The following ZNF219 variants were observed in gnomAD, a reference collection of about 807,000 sequenced individuals.
ZNF219 encodes zinc finger protein 219.
Under a neutral mutation model 54.4 loss-of-function variants are expected in ZNF219, and 17 were observed. The ratio of observed to expected loss-of-function variants is 0.31; its 90% confidence interval spans 0.21 to 0.47. The LOEUF (loss-of-function observed/expected upper bound fraction) is 0.47, where lower values mean the gene tolerates loss of function less well. Among genes scored for constraint, ZNF219 ranks in the 20% least tolerant of loss-of-function variants. The probability of loss-of-function intolerance (pLI) is 1.00; values close to 1 mark genes in which losing one functional copy is unlikely to be tolerated. For missense variants in ZNF219, 1,014 were observed against 1,062.3 expected, an observed-to-expected ratio of 0.95 and a Z score of 0.63; for synonymous variants, 518 against 476.4, an observed-to-expected ratio of 1.09 and a Z score of -1.14.
upstream of ZNF219, chr14:21,103,967 G>T (rs1317320352): frequency 6.6e-6 from 1 of 152,404 alleles, no homozygotes; most frequent in Admixed American, 6.5e-5. Flanking sequence ...GGGCTTCCCA[G>T]ATGCTGTCGC....
At chr14:21,097,742 C>T (rs1889354407) in intron 1 of ZNF219, among the ~76,000 whole-genome samples, 1 of 152,160 alleles carries the variant, frequency 6.6e-6, no homozygotes, top group African/African-American at 2.4e-5. Flanking sequence ...GAGTTACAGC[C>T]GCCTCCGCTG....
rs998186427 is a variant in ZNF219, at chr14:21,093,786, C to G, written c.-83-112G>C. 5.0e-6 allele frequency: 5 copies of G among 1,006,648 alleles called. No homozygotes were observed. In the African/African-American group the frequency reaches 8.0e-5, roughly 16 times the overall value. 62.4% of individuals were successfully genotyped at this position (1,006,648 alleles called of 1,614,324 possible). On this transcript the variant is annotated intron_variant, in intron 1 of 4. Coordinates refer to ENST00000360947, the MANE Select transcript of ZNF219 (RefSeq NM_016423.3). ...TGTATTCCCAAAACCAATCCATTCTCCCTACTTGCTTCTTGAGGCACGAAG... is the reference window on the plus strand; with the variant it reads ...TGTATTCCCAAAACCAATCCATTCTGCCTACTTGCTTCTTGAGGCACGAAG...
At position 21,090,692 on chromosome 14, in the gene ZNF219, G is replaced by C. The variant is rs746595858; in HGVS notation, c.2013C>G (p.Arg671=). The C allele has an allele frequency of 6.2e-7, 1 of 1,611,352 alleles. No homozygotes were observed. Among genetic ancestry groups the C allele is most frequent in the Non-Finnish European group, 8.5e-7 (1 of 1,179,476 alleles). The part of the protein sequence containing the change: ...MALHLQVHHS[R]RARGRRPPQA... ...GGGGTGGCCGGCGGCCCCTAGCCCGGCGGCTGTGGTGCACTTGAAGGTGCA... is the reference window on the plus strand; with the variant it reads ...GGGGTGGCCGGCGGCCCCTAGCCCGCCGGCTGTGGTGCACTTGAAGGTGCA... The change falls in exon 5 of 5, where the codon CGC becomes CGG. Residue 671 remains arginine (R), a synonymous_variant. Transcript: ENST00000360947. This position sits in a 1 kb window ranked among gnomAD's most constrained non-coding sequence, Gnocchi z 4.4.
intron 1 of ZNF219, chr14:21,094,242 T>G (rs1298244645): frequency 2.5e-6 from 1 of 397,588 alleles, no homozygotes; most frequent in East Asian, 7.1e-5. Flanking sequence ...GAGAAACACC[T>G]CCCAGCAGCA....
At position 21,091,526 on chromosome 14, in the gene ZNF219, C is replaced by A; in HGVS notation, c.1449G>T (p.Leu483Phe). The change falls in exon 4 of 5, where the codon TTG becomes TTT. Residue 483 changes from leucine to phenylalanine, a missense_variant. Physicochemically the swap from Leu to Phe is conservative, Grantham distance 22. Coordinates refer to ENST00000360947, the MANE Select transcript of ZNF219 (RefSeq NM_016423.3). ...CCCCTTCAGGCCGGGTCCCTCCAAC[C>A]AACAGCCCATTCTCTTCTGCAACAC... ...STATQEENGL[L>F]VGGTRPEGGR... 6.2e-7 allele frequency: 1 copy of A among 1,604,822 alleles called. No individual in the cohort carries two copies. The highest frequency in any genetic ancestry group is 1.1e-5 in the South Asian group (1 of 90,874).
chr14:21,104,430 C>T (rs1020694983), intron 1 of ZNF219: 1 of 152,274 alleles, frequency 6.6e-6, no homozygotes, highest in African/African-American at 2.4e-5. Context: ...ACTGGGAGTC[C>T]CACTAGCAGC....
rs1250786571 is a variant in ZNF219 at position 21,091,560 on chromosome 14, A to G, written c.1433-18T>C. 6.3e-7 allele frequency: 1 copy of G among 1,586,120 alleles called. No individual in the cohort carries two copies. The highest frequency in any genetic ancestry group is 2.3e-5 in the East Asian group (1 of 43,920). ...ATTCTCTTCTGCAACACATACGTTA[A>G]GAGGAAGTCAGGGGGGCCCACACCC... On this transcript the variant is annotated intron_variant, in intron 3 of 4. Coordinates refer to ENST00000360947, the MANE Select transcript of ZNF219 (RefSeq NM_016423.3).
At chr14:21,097,871 C>T (rs573505502) in intron 1 of ZNF219, among the ~76,000 whole-genome samples, 42 of 151,872 alleles carry the variant, frequency 2.8e-4, no homozygotes, top group Middle Eastern at 3.4e-3. Context: ...CCTTCCCCCT[C>T]CCCCACCAGC....
Position 21,091,112 on chromosome 14 carries a change from G to T in ZNF219, c.1593C>A (p.Cys531Ter). Residue 531 changes from cysteine (C) to a stop codon, truncating the protein, a stop_gained, in exon 5 of 5, where the codon TGC (cysteine) becomes TGA (stop). Transcript: ENST00000360947. LOFTEE classifies it high-confidence loss of function. ...AGCCGGACTGGGTGCCCGCGTAGTC[G>T]CAGTGCGGACACTTGTAGGGCCGCT... Reference protein sequence around the residue: ...TGERPYKCPHCDYAGTQSGSL... With the variant: ...TGERPYKCPH 1 of 1,589,174 alleles carries T rather than the reference G, an allele frequency of 6.3e-7. No homozygotes were observed. The highest frequency in any genetic ancestry group is 8.5e-7 in the Non-Finnish European group (1 of 1,171,646).
chr14:21,090,794 G>T lies in ZNF219; in HGVS notation c.1911C>A (p.Gly637=). ...GGAGGGCACCCCCAGGCCCGGCCTC[G>T]CCTCCCGGCCCTGCCCGCAAGGACA... ...LDLSLRAGPG[G]EAGPGGALHR... is the part of the protein sequence containing the mutation. The change falls in exon 5 of 5, where the codon GGC becomes GGA. Residue 637 remains glycine (G), a synonymous_variant. Coordinates refer to ENST00000360947, the MANE Select transcript of ZNF219 (RefSeq NM_016423.3). This position sits in a 1 kb window ranked among gnomAD's most constrained non-coding sequence, Gnocchi z 4.4. 1 of 1,579,900 alleles carries T rather than the reference G, an allele frequency of 6.3e-7. No homozygotes were observed. Among genetic ancestry groups the T allele is most frequent in the Admixed American group, 1.8e-5 (1 of 54,688 alleles).
Position 21,091,415 on chromosome 14 carries a change from G to A in ZNF219, c.1560C>T (p.His520=). 6.3e-7 allele frequency: 1 copy of A among 1,594,332 alleles called. No homozygotes were observed. Among genetic ancestry groups the A allele is most frequent in the Non-Finnish European group, 8.6e-7 (1 of 1,163,868 alleles). ...GCCGGAGGCTGCCTCCCTCACCTGTGTGCACTCGCAGATGCACTTTGAGGT... is the reference window on the plus strand; with the variant it reads ...GCCGGAGGCTGCCTCCCTCACCTGTATGCACTCGCAGATGCACTTTGAGGT... ...AHHLKVHLRV[H]TGERPYKCPH... Residue 520 remains histidine, a synonymous_variant, in exon 4 of 5, where the codon CAC becomes CAT. Coordinates refer to ENST00000360947, the MANE Select transcript of ZNF219 (RefSeq NM_016423.3).
At chr14:21,103,748 T>C (rs545415595), upstream of ZNF219, 1 of 155,442 alleles carries the variant, frequency 6.4e-6, no homozygotes, top group South Asian at 1.8e-4. Flanking sequence ...ATGTGCTGAG[T>C]GACGCGAGGC....
chr14:21,097,635 C>T (rs947068156), intron 1 of ZNF219, among the ~76,000 whole-genome samples: 6 of 152,130 alleles, frequency 3.9e-5, no homozygotes, highest in African/African-American at 1.4e-4. Context: ...CACCCCAGAC[C>T]CCTCCCCAGG....
upstream of ZNF219, chr14:21,101,398 A>G (rs1263427106): frequency 3.9e-6 from 6 of 1,551,590 alleles, no homozygotes; most frequent in Non-Finnish European, 5.2e-6. Flanking sequence ...TCGTCTGGAA[A>G]AGCTACAACA....
At chr14:21,094,726 T>TGGGGGGGGG (rs10687101) in intron 1 of ZNF219, among the ~76,000 whole-genome samples, 11 of 5,882 alleles carry the variant, frequency 1.9e-3, no homozygotes, top group East Asian at 3.7e-3. Flanking sequence ...GGATAGGGGT[T>TGGGGGGGGG]GGGGGGGGGG....
At chr14:21,098,873 C>G (rs1277274797), upstream of ZNF219, 1 of 1,284,040 alleles carries the variant, frequency 7.8e-7, no homozygotes, top group South Asian at 1.2e-5. Flanking sequence ...GGAAGTTCTT[C>G]CTGGGGTTTT....
Position 21,090,798 on chromosome 14 carries a change from C to T in ZNF219, c.1907G>A (p.Gly636Glu), listed in dbSNP as rs754271125. The change falls in exon 5 of 5, where the codon GGA (glycine) becomes GAA (glutamate). Residue 636 changes from glycine (G) to glutamate (E), a missense_variant. Gly to Glu is a moderately conservative substitution (Grantham distance 98, BLOSUM62 -2). Transcript: ENST00000360947. This position sits in a 1 kb window ranked among gnomAD's most constrained non-coding sequence, Gnocchi z 4.4. Reference protein sequence around the residue: ...PLDLSLRAGPGGEAGPGGALH... With the variant: ...PLDLSLRAGPEGEAGPGGALH... ...GGCACCCCCAGGCCCGGCCTCGCCT[C>T]CCGGCCCTGCCCGCAAGGACAGGTC... 1.3e-6 allele frequency: 2 copies of T among 1,572,764 alleles called. No individual in the cohort carries two copies. Among genetic ancestry groups the T allele is most frequent in the Middle Eastern group, 1.7e-4 (1 of 5,934 alleles).
chr14:21,100,883 A>G (rs1231917450), upstream of ZNF219, among the ~76,000 whole-genome samples: 1 of 152,234 alleles, frequency 6.6e-6, no homozygotes, highest in Non-Finnish European at 1.5e-5. Context: ...GATAGTGTCC[A>G]TGGGGATGAG....
At chr14:21,103,516 C>T, upstream of ZNF219, 1 of 489,002 alleles carries the variant, frequency 2.0e-6, no homozygotes, top group South Asian at 2.4e-5. Flanking sequence ...ACATTTGCCT[C>T]ATCGCACTTT....
Sources: allele counts gnomAD v4.1 joint callset (sites outside exome capture counted in the v4.1 genomes callset), GRCh38; gene constraint gnomAD v4.1.1; non-coding constraint Gnocchi (gnomAD v3.1); transcripts MANE v1.5; gene names NCBI Gene and HGNC (gene_info 2026-07-23, HGNC 2026-07-21).